EEFSEC: variants seen among roughly 807,000 people sequenced by gnomAD.
The protein encoded by EEFSEC is eukaryotic elongation factor, selenocysteine-tRNA specific, also known as selenocysteine-specific elongation factor.
In EEFSEC, 43 loss-of-function variants were observed where a neutral mutation model predicts 42.1. That is an observed-to-expected ratio of 1.02 (90% CI 0.80 to 1.32). EEFSEC has a LOEUF of 1.32. EEFSEC is among the 40% of genes most tolerant of loss of function. The pLI, the probability that EEFSEC is intolerant of heterozygous loss-of-function variation, is 0.00. For synonymous variants in EEFSEC, 354 were observed against 339.1 expected, an observed-to-expected ratio of 1.04 and a Z score of -0.48; for missense variants, 745 against 803.6, an observed-to-expected ratio of 0.93 and a Z score of 0.88.
chr3:128,380,872 C>G (rs939101653), intron 6 of EEFSEC, among the ~76,000 whole-genome samples: 1 of 152,202 alleles, frequency 6.6e-6, no homozygotes, highest in African/African-American at 2.4e-5. Context: ...GGAGGGGGCC[C>G]CAATGGTGCC....
intron 4 of EEFSEC, among the ~76,000 whole-genome samples, chr3:128,323,741 C>A (rs2067032947): frequency 6.6e-6 from 1 of 152,196 alleles, no homozygotes; most frequent in Admixed American, 6.5e-5. Flanking sequence ...CTGAAGGAGC[C>A]AGCCCCCAGG....
the EEFSEC span, among the ~76,000 whole-genome samples, chr3:128,413,797 C>T: frequency 8.5e-5 from 13 of 152,236 alleles, no homozygotes; most frequent in Admixed American, 7.2e-4. Context: ...CTCCAGCATC[C>T]CACATAGCCA....
intron 6 of EEFSEC, among the ~76,000 whole-genome samples, chr3:128,388,208 G>A (rs1011703784): frequency 1.3e-5 from 2 of 152,142 alleles, no homozygotes; most frequent in Non-Finnish European, 2.9e-5. Flanking sequence ...CAATTTGGTC[G>A]CCTTCCTTGG....
intron 1 of EEFSEC, among the ~76,000 whole-genome samples, chr3:128,154,827 G>A (rs992005843): frequency 6.6e-6 from 1 of 152,180 alleles, no homozygotes; most frequent in Admixed American, 6.5e-5. Flanking sequence ...ATTTTGCAGT[G>A]AATATTCTAG....
chr3:128,196,459 A>G lies in EEFSEC; in HGVS notation c.316+42636A>G, dbSNP rs147748739. On this transcript the variant is annotated intron_variant, in intron 1 of 6. Transcript: ENST00000254730. ...ACTTTTTTCTGATTATAAAACTAAT[A>G]CAGACCTATTTTAGAAACTTTGGGT... is the stretch of plus-strand genomic sequence containing the variant. Among the ~76,000 whole-genome samples the G allele has an allele frequency of 3.3e-4, 50 of 152,360 alleles. No individual in the cohort carries two copies. In the East Asian group the frequency reaches 5.4e-3, roughly 16 times the overall value.
At chr3:128,407,054 T>C (rs996665726) in intron 6 of EEFSEC, among the ~76,000 whole-genome samples, 100 of 152,066 alleles carry the variant, frequency 6.6e-4, no homozygotes, top group Middle Eastern at 3.2e-3. Flanking sequence ...GACAGGCTTG[T>C]ATGTGCAATG....
chr3:128,198,079 A>C (rs567460691), intron 1 of EEFSEC, among the ~76,000 whole-genome samples: 1 of 152,284 alleles, frequency 6.6e-6, no homozygotes, highest in East Asian at 1.9e-4. Flanking sequence ...TTCTGAATGT[A>C]CTGTGGCTTC....
chr3:128,292,403 G>C (rs991300358), intron 4 of EEFSEC, among the ~76,000 whole-genome samples: 1 of 151,610 alleles, frequency 6.6e-6, no homozygotes, highest in Admixed American at 6.6e-5. Context: ...ATCACTTCTT[G>C]CTTTAAAGTT....
At chr3:128,205,459 G>T (rs539156132) in intron 1 of EEFSEC, among the ~76,000 whole-genome samples, 1 of 152,334 alleles carries the variant, frequency 6.6e-6, no homozygotes, top group South Asian at 2.1e-4. Flanking sequence ...GAGTCCCAGG[G>T]TGATGAGGGT....
At chr3:128,165,286 G>T (rs367800717) in intron 1 of EEFSEC, among the ~76,000 whole-genome samples, 29 of 152,364 alleles carry the variant, frequency 1.9e-4, no homozygotes, top group East Asian at 1.3e-3. Flanking sequence ...CCCAGAAGCT[G>T]CTCTCAGACC....
chr3:128,262,668 G>C (rs1407588227), intron 3 of EEFSEC, among the ~76,000 whole-genome samples: 1 of 152,202 alleles, frequency 6.6e-6, no homozygotes, highest in Non-Finnish European at 1.5e-5. Flanking sequence ...CCAACAGCAG[G>C]GGCAATGCAG....
chr3:128,375,146 G>A (rs1206295443), intron 6 of EEFSEC, among the ~76,000 whole-genome samples: 1 of 152,242 alleles, frequency 6.6e-6, no homozygotes, highest in African/African-American at 2.4e-5. Context: ...AAGAAAATGT[G>A]TACCAAGTGC....
At chr3:128,154,284 A>G (rs1007035808) in intron 1 of EEFSEC, among the ~76,000 whole-genome samples, 1 of 152,032 alleles carries the variant, frequency 6.6e-6, no homozygotes, top group Non-Finnish European at 1.5e-5. Context: ...CAATACAAGC[A>G]TATCTGTGTG....
chr3:128,378,425 T>C (rs2107611723), intron 6 of EEFSEC, among the ~76,000 whole-genome samples: 1 of 152,278 alleles, frequency 6.6e-6, no homozygotes, highest in East Asian at 1.9e-4. Context: ...AAGGACAGCC[T>C]GTGACCTCCC....
rs777837049 is a variant in EEFSEC at position 128,408,095 on chromosome 3, A to T, written c.1627A>T (p.Ile543Phe). The T allele has an allele frequency of 5.0e-6, 8 of 1,594,254 alleles. No homozygotes were observed. The highest frequency in any genetic ancestry group is 1.7e-5 in the Admixed American group (1 of 57,258). Residue 543 changes from isoleucine to phenylalanine, a missense_variant, in exon 7 of 7, where the codon ATC (isoleucine) becomes TTC (phenylalanine). Transcript: ENST00000254730. ...TGGCCTCAGCCCCGAGTCCAAGAAG[A>T]TCCTGACACCCGCCCTCAAGAAGCG... Reference protein sequence around the residue: ...PGGLSPESKKILTPALKKRAR... With the variant: ...PGGLSPESKKFLTPALKKRAR...
At chr3:128,396,310 C>A (rs1029131362) in intron 6 of EEFSEC, among the ~76,000 whole-genome samples, 2 of 152,192 alleles carry the variant, frequency 1.3e-5, no homozygotes, top group Non-Finnish European at 2.9e-5. Flanking sequence ...CTGGGCTTCT[C>A]CAGCTACTGG....
chr3:128,239,161 C>G (rs1468386585), intron 1 of EEFSEC, among the ~76,000 whole-genome samples: 1 of 152,176 alleles, frequency 6.6e-6, no homozygotes, highest in Non-Finnish European at 1.5e-5. Flanking sequence ...ACCAAGAAAC[C>G]CCGTGAGGGG....
rs1559885054 is a variant in EEFSEC at position 128,246,826 on chromosome 3, C to G, written c.317-10C>G. On this transcript the variant is annotated splice_polypyrimidine_tract_variant and intron_variant, in intron 1 of 6. Coordinates refer to ENST00000254730, the MANE Select transcript of EEFSEC (RefSeq NM_021937.5). The stretch of plus-strand genomic sequence containing the variant: ...TTTTCCCTTTCTAACCTTCTCTTCT[C>G]TTATTCCAGGGGCCCAGATCATTGA... The G allele has an allele frequency of 1.9e-6, 3 of 1,613,296 alleles. No homozygotes were observed. Among genetic ancestry groups the G allele is most frequent in the East Asian group, 2.2e-5 (1 of 44,880 alleles).
rs994174331 is a variant in EEFSEC, at chr3:128,358,240, C to G, written c.1467C>G (p.Ile489Met). 3 of 1,614,108 alleles carry G rather than the reference C, an allele frequency of 1.9e-6. No homozygotes were observed. The highest frequency in any genetic ancestry group is 1.7e-6 in the Non-Finnish European group (2 of 1,179,980). Residue 489 changes from isoleucine (I) to methionine (M), a missense_variant, in exon 6 of 7, where the codon ATC (isoleucine) becomes ATG (methionine). Transcript: ENST00000254730. ...AGGCGATGGATGACTACAGTGTGAT[C>G]GGCCGCTCCCTGTTCAAAAAGGAAA... The part of the protein sequence containing the change: ...VERAMDDYSV[I>M]GRSLFKKETN...
Sources: gnomAD v4.1 joint callset for allele counts (sites outside exome capture counted in the v4.1 genomes callset) on GRCh38, gnomAD v4.1.1 for gene constraint, MANE v1.5 for transcripts, NCBI Gene and HGNC (gene_info 2026-07-23, HGNC 2026-07-21) for gene names.